The following RPS4Y1 variants were observed in gnomAD, a reference collection of about 807,000 sequenced individuals.
RPS4Y1 encodes ribosomal protein S4 Y-linked 1.
For synonymous variants in RPS4Y1, 23 were observed against 20.8 expected, an observed-to-expected ratio of 1.10 and a Z score of -0.28; for missense variants, 30 against 60.9, an observed-to-expected ratio of 0.49 and a Z score of 1.69.
At chrY:2,858,803 G>A in intron 5 of RPS4Y1, among the ~76,000 whole-genome samples, 1 of 33,133 alleles carries the variant, frequency 3.0e-5, no homozygotes, top group African/African-American at 1.2e-4. Flanking sequence ...GCTCAACTTC[G>A]GTTTTGTCAG....
At chrY:2,843,723 T>G in intron 2 of RPS4Y1, among the ~76,000 whole-genome samples, 1 of 32,913 alleles carries the variant, frequency 3.0e-5, no homozygotes, top group Non-Finnish European at 7.4e-5. Flanking sequence ...AGGTTTTGGG[T>G]AAAGCGTAAG....
chrY:2,858,870 G>GT, intron 5 of RPS4Y1, among the ~76,000 whole-genome samples: 2 of 32,361 alleles, frequency 6.2e-5, no homozygotes, highest in Non-Finnish European at 1.5e-4. Context: ...TTTTCTTACT[G>GT]TTTTTTTCTT....
intron 5 of RPS4Y1, among the ~76,000 whole-genome samples, chrY:2,863,177 C>T (rs945952377): frequency 5.9e-5 from 2 of 33,797 alleles, no homozygotes; most frequent in African/African-American, 2.3e-4. Flanking sequence ...CTAATGTGCC[C>T]GTAGTAGGCA....
intron 3 of RPS4Y1, among the ~76,000 whole-genome samples, chrY:2,845,348 T>G: frequency 3.1e-5 from 1 of 32,753 alleles, no homozygotes; most frequent in East Asian, 8.0e-4. Flanking sequence ...TCATGTATGT[T>G]TTCTCCTCAG....
chrY:2,861,085 C>G, intron 5 of RPS4Y1, among the ~76,000 whole-genome samples: 1 of 32,933 alleles, frequency 3.0e-5, no homozygotes, highest in Non-Finnish European at 7.4e-5. Flanking sequence ...CTTTTTGCGC[C>G]TCTGACTTGT....
At chrY:2,846,616 T>C in intron 4 of RPS4Y1, among the ~76,000 whole-genome samples, 1 of 33,863 alleles carries the variant, frequency 3.0e-5, no homozygotes, top group African/African-American at 1.2e-4. Flanking sequence ...ACTTATTTGG[T>C]CGTGTCCCTT....
chrY:2,856,049 A>G, intron 5 of RPS4Y1, among the ~76,000 whole-genome samples: 1 of 34,189 alleles, frequency 2.9e-5, no homozygotes, highest in African/African-American at 1.1e-4. Context: ...AAAGCTGGCC[A>G]GGAGTTTAAA....
At chrY:2,860,205 T>C in intron 5 of RPS4Y1, among the ~76,000 whole-genome samples, 2 of 33,769 alleles carry the variant, frequency 5.9e-5, no homozygotes, top group African/African-American at 2.3e-4. Flanking sequence ...AAAGAATCTC[T>C]ATTAAAATAG....
intron 4 of RPS4Y1, among the ~76,000 whole-genome samples, chrY:2,853,306 C>T (rs980666687): frequency 5.9e-5 from 2 of 33,743 alleles, no homozygotes; most frequent in African/African-American, 2.3e-4. Context: ...GTTTTTCTGT[C>T]ATCTGGCACT....
At chrY:2,857,520 A>C in intron 5 of RPS4Y1, among the ~76,000 whole-genome samples, 1 of 33,517 alleles carries the variant, frequency 3.0e-5, no homozygotes, top group Non-Finnish European at 7.4e-5. Flanking sequence ...GTTTCGAGTG[A>C]TTCTCCTACC....
intron 4 of RPS4Y1, among the ~76,000 whole-genome samples, chrY:2,852,724 G>A (rs2051156949): frequency 3.0e-5 from 1 of 33,685 alleles, no homozygotes; most frequent in Non-Finnish European, 7.4e-5. Context: ...ATAGGATCCA[G>A]GCCTTAACAT....
chrY:2,862,053 T>TG (rs2051164003), intron 5 of RPS4Y1, among the ~76,000 whole-genome samples: 1 of 27,923 alleles, frequency 3.6e-5, no homozygotes, highest in African/African-American at 1.4e-4. Flanking sequence ...TGCCTGGCAT[T>TG]TTTTTTTTTT....
chrY:2,844,331 G>A, intron 3 of RPS4Y1, 74 bp downstream of exon 3: 3 of 254,341 alleles, frequency 1.2e-5, no homozygotes, highest in Non-Finnish European at 1.9e-5. Context: ...GGGCTCTCAT[G>A]TTGCCAGTGA....
chrY:2,843,974 G>A (rs1603308991), intron 2 of RPS4Y1, 103 bp from the exon 3 acceptor site: 1 of 244,419 alleles, frequency 4.1e-6, no homozygotes, highest in East Asian at 9.8e-5. Flanking sequence ...AACAAGTTAA[G>A]TTCAGCTGAA....
chrY:2,847,766 G>C (rs2051153659), intron 4 of RPS4Y1, among the ~76,000 whole-genome samples: 1 of 33,768 alleles, frequency 3.0e-5, no homozygotes, highest in South Asian at 6.7e-4. Context: ...GTGGATGGAA[G>C]GACAGTACCT....
chrY:2,851,752 C>T, intron 4 of RPS4Y1, among the ~76,000 whole-genome samples: 1 of 32,770 alleles, frequency 3.1e-5, no homozygotes, highest in African/African-American at 1.2e-4. Flanking sequence ...TGTCCATATT[C>T]TCCCTCTGCC....
At chrY:2,854,459 G>A in intron 4 of RPS4Y1, 141 bp from the exon 5 acceptor site, 1 of 170,424 alleles carries the variant, frequency 5.9e-6, no homozygotes, top group East Asian at 1.1e-4. Context: ...TCTGTGACTG[G>A]TTAATATAGT....
chrY:2,853,474 G>A, intron 4 of RPS4Y1, among the ~76,000 whole-genome samples: 1 of 33,624 alleles, frequency 3.0e-5, no homozygotes, highest in African/African-American at 1.2e-4. Context: ...ACTTCTGAGC[G>A]GTGACAGTCC....
At chrY:2,852,610 G>A (rs1050036992) in intron 4 of RPS4Y1, among the ~76,000 whole-genome samples, 15 of 33,915 alleles carry the variant, frequency 4.4e-4, no homozygotes, top group Non-Finnish European at 1.0e-3. Context: ...GTAAATATGA[G>A]GTGGTGGTGG....
Sources: allele counts gnomAD v4.1 joint callset (sites outside exome capture counted in the v4.1 genomes callset), GRCh38; gene constraint gnomAD v4.1.1; transcripts MANE v1.5; gene names NCBI Gene and HGNC (gene_info 2026-07-23, HGNC 2026-07-21).